Variants in CCDC148 observed in about 807,000 individuals in gnomAD.
CCDC148 encodes the protein coiled-coil domain-containing protein 148.
In CCDC148, 89 loss-of-function variants were observed where a neutral mutation model predicts 85.7. The observed-to-expected ratio is 1.04, with a 90% CI of 0.87 to 1.24. CCDC148 has a LOEUF of 1.24. Ranked by LOEUF, CCDC148 falls within the 50% of genes most tolerant of loss-of-function variation. The pLI is 0.00. For missense variants in CCDC148, 692 were observed against 671.7 expected, an observed-to-expected ratio of 1.03 and a Z score of -0.33; for synonymous variants, 230 against 213.9, an observed-to-expected ratio of 1.08 and a Z score of -0.66.
intron 1 of CCDC148, among the ~76,000 whole-genome samples, chr2:158,361,469 G>T (rs748523168): frequency 6.6e-6 from 1 of 152,100 alleles, no homozygotes. Flanking sequence ...GACTAACAGC[G>T]GATCTCTCTG....
intron 1 of CCDC148, among the ~76,000 whole-genome samples, chr2:158,381,935 A>G (rs898634203): frequency 2.0e-5 from 3 of 152,144 alleles, no homozygotes; most frequent in African/African-American, 7.2e-5. Context: ...GGCTAAATTC[A>G]TATGCTGAAA....
At chr2:158,450,234 C>T (rs1341110441) in intron 1 of CCDC148, among the ~76,000 whole-genome samples, 1 of 152,182 alleles carries the variant, frequency 6.6e-6, no homozygotes, top group African/African-American at 2.4e-5. Flanking sequence ...AACCTTCTTT[C>T]TACCTCTACG....
At chr2:158,412,604 G>A (rs1322068971) in intron 1 of CCDC148, among the ~76,000 whole-genome samples, 1 of 151,902 alleles carries the variant, frequency 6.6e-6, no homozygotes, top group East Asian at 1.9e-4. Flanking sequence ...AGCACTTTAT[G>A]GAAAATTGCC....
At chr2:158,331,558 T>G (rs1475128781) in intron 7 of CCDC148, among the ~76,000 whole-genome samples, 2 of 152,062 alleles carry the variant, frequency 1.3e-5, no homozygotes, top group African/African-American at 2.4e-5. Flanking sequence ...ATCCTGGGTA[T>G]TCTTGTTGAC....
At chr2:158,376,896 G>A (rs1195041958) in intron 1 of CCDC148, among the ~76,000 whole-genome samples, 2 of 151,982 alleles carry the variant, frequency 1.3e-5, no homozygotes, top group Admixed American at 1.3e-4. Flanking sequence ...AAGCATGAAA[G>A]GTGGGCCCTC....
At chr2:158,408,471 G>A (rs1686119401) in intron 1 of CCDC148, among the ~76,000 whole-genome samples, 1 of 152,056 alleles carries the variant, frequency 6.6e-6, no homozygotes, top group African/African-American at 2.4e-5. Flanking sequence ...ATATAAGTGA[G>A]ATCATGAAGC....
intron 9 of CCDC148, among the ~76,000 whole-genome samples, chr2:158,291,624 G>A (rs780205091): frequency 2.0e-5 from 3 of 152,114 alleles, no homozygotes; most frequent in Non-Finnish European, 2.9e-5. Flanking sequence ...GCTATGTGCT[G>A]TCCTCTGTGC....
chr2:158,247,233 T>C (rs1688604167), intron 10 of CCDC148, among the ~76,000 whole-genome samples: 1 of 152,104 alleles, frequency 6.6e-6, no homozygotes, highest in Non-Finnish European at 1.5e-5. Context: ...CCAGTAAACA[T>C]GAAAGATTTT....
At chr2:158,362,573 G>A (rs1428257644) in intron 1 of CCDC148, among the ~76,000 whole-genome samples, 3 of 152,138 alleles carry the variant, frequency 2.0e-5, no homozygotes, top group Admixed American at 1.3e-4. Flanking sequence ...TGACTACTGG[G>A]TAAATAATAA....
chr2:158,282,617 T>C (rs529457783), intron 9 of CCDC148, among the ~76,000 whole-genome samples: 1 of 152,076 alleles, frequency 6.6e-6, no homozygotes, highest in African/African-American at 2.4e-5. Flanking sequence ...CACTGCTCAA[T>C]GAAATTAAAG....
intron 11 of CCDC148, among the ~76,000 whole-genome samples, chr2:158,215,950 C>T (rs1686829749): frequency 6.6e-6 from 1 of 152,158 alleles, no homozygotes; most frequent in Non-Finnish European, 1.5e-5. Context: ...AGACCCCTCA[C>T]CAGAACCTGA....
At chr2:158,409,065 TAG>T (rs1686145808) in intron 1 of CCDC148, among the ~76,000 whole-genome samples, 1 of 152,014 alleles carries the variant, frequency 6.6e-6, no homozygotes, top group Admixed American at 6.6e-5. Flanking sequence ...ATTTTATATA[TAG>T]AGAGAGAAAT....
chr2:158,422,769 AG>A (rs558183904), intron 1 of CCDC148, among the ~76,000 whole-genome samples: 184 of 152,200 alleles, frequency 1.2e-3, no homozygotes, highest in Admixed American at 4.6e-3. Flanking sequence ...AAGGGTATTC[AG>A]TTAGGAAAAG....
At chr2:158,200,070 C>T (rs528222057) in intron 11 of CCDC148, among the ~76,000 whole-genome samples, 10 of 152,230 alleles carry the variant, frequency 6.6e-5, no homozygotes, top group Middle Eastern at 3.4e-3. Context: ...GAAGATTCTG[C>T]ACTCTGGTCC....
chr2:158,172,320 T>G, intron 13 of CCDC148, 61 bp from the exon 14 acceptor site: 1 of 1,309,930 alleles, frequency 7.6e-7, no homozygotes, highest in Non-Finnish European at 1.1e-6. Flanking sequence ...CTTTTAACAT[T>G]TAGTTCCATG....
chr2:158,238,350 G>A (rs1311219624), intron 10 of CCDC148, among the ~76,000 whole-genome samples: 2 of 152,088 alleles, frequency 1.3e-5, no homozygotes, highest in African/African-American at 4.8e-5. Context: ...AGAGGTAAGG[G>A]GAGGTAAGGG....
At chr2:158,241,353 C>T (rs1688343497) in intron 10 of CCDC148, among the ~76,000 whole-genome samples, 1 of 152,020 alleles carries the variant, frequency 6.6e-6, no homozygotes, top group Non-Finnish European at 1.5e-5. Context: ...TTTTGTTGTG[C>T]TTATAAAGTC....
At position 158,273,453 on chromosome 2, in the gene CCDC148, G is replaced by A. The variant is rs1177143038; in HGVS notation, c.1111-22541C>T. Among the ~76,000 whole-genome samples, 5 of 152,220 alleles carry A rather than the reference G, an allele frequency of 3.3e-5. No individual in the cohort carries two copies. In the East Asian group the frequency reaches 7.7e-4, roughly 23 times the overall value. ...AAATGTCCCCCAAAGTACTTCTGGG[G>A]TGTAACAGAAGATACACTAACAAGA... is the stretch of plus-strand genomic sequence containing the variant. On this transcript the variant is annotated intron_variant, in intron 9 of 13. Coordinates refer to ENST00000283233, the MANE Select transcript of CCDC148 (RefSeq NM_138803.4).
At chr2:158,301,413 A>T (rs1691435969) in intron 9 of CCDC148, among the ~76,000 whole-genome samples, 2 of 152,228 alleles carry the variant, frequency 1.3e-5, no homozygotes, top group Non-Finnish European at 2.9e-5. Context: ...TCTATTTTGG[A>T]CACTGAATTT....
Sources: gnomAD v4.1 joint callset for allele counts (sites outside exome capture counted in the v4.1 genomes callset) on GRCh38, gnomAD v4.1.1 for gene constraint, MANE v1.5 for transcripts, NCBI Gene and HGNC (gene_info 2026-07-23, HGNC 2026-07-21) for gene names.